Variants in GNAT3 observed in about 807,000 individuals in gnomAD.
GNAT3 encodes the protein guanine nucleotide-binding protein G(t) subunit alpha-3.
In GNAT3, 31 loss-of-function variants were observed where a neutral mutation model predicts 37.7. The observed-to-expected ratio is 0.82, with a 90% CI of 0.62 to 1.11. GNAT3 has a LOEUF of 1.11. Ranked by LOEUF, GNAT3 falls within the 50% of genes most tolerant of loss-of-function variation. The probability of loss-of-function intolerance (pLI) is 0.00; values close to 1 mark genes in which losing one functional copy is unlikely to be tolerated. For synonymous variants in GNAT3, 138 were observed against 139.8 expected (o/e 0.99, Z 0.09); for missense variants, 437 against 412.5 (o/e 1.06, Z -0.51).
chr7:80,507,061 CATT>C (rs757613327), intron 1 of GNAT3, among the ~76,000 whole-genome samples: 5 of 151,906 alleles, frequency 3.3e-5, no homozygotes, highest in Non-Finnish European at 7.4e-5. Flanking sequence ...AAGTTGGAAA[CATT>C]ATTGGGAATT....
chr7:80,467,808 T>TA (rs1790150203), intron 5 of GNAT3, among the ~76,000 whole-genome samples: 1 of 152,048 alleles, frequency 6.6e-6, no homozygotes, highest in Admixed American at 6.6e-5. Context: ...AATAGATTAT[T>TA]AATGAGGGAA....
chr7:80,460,006 C>T (rs1790022696), intron 7 of GNAT3, among the ~76,000 whole-genome samples: 1 of 152,210 alleles, frequency 6.6e-6, no homozygotes, highest in African/African-American at 2.4e-5. Flanking sequence ...AAACTTATGT[C>T]TACACAGAAG....
intron 7 of GNAT3, 146 bp downstream of exon 7, chr7:80,462,013 G>C (rs960885589): frequency 1.6e-6 from 1 of 606,670 alleles, no homozygotes; most frequent in South Asian, 2.3e-5. Context: ...TTATTTGTAA[G>C]ATTTTTTTTC....
At chr7:80,497,671 C>CGTATACGT (rs1554317549) in intron 1 of GNAT3, among the ~76,000 whole-genome samples, 2 of 91,138 alleles carry the variant, frequency 2.2e-5, no homozygotes, top group African/African-American at 2.1e-4. Context: ...TACGTATATA[C>CGTATACGT]ATACATATAT....
intron 3 of GNAT3, among the ~76,000 whole-genome samples, chr7:80,485,234 A>T (rs1790457454): frequency 6.6e-6 from 1 of 151,428 alleles, no homozygotes; most frequent in African/African-American, 2.4e-5. Context: ...TTCTTAATCT[A>T]AGTGCTTCCT....
At chr7:80,464,165 CCT>C (rs72128378) in intron 5 of GNAT3, among the ~76,000 whole-genome samples, 42,253 of 151,314 alleles carry the variant, frequency 0.28, 6,687 homozygotes, top group East Asian at 0.58. Flanking sequence ...ATTCAGATAT[CCT>C]ATATGGATAT....
At chr7:80,492,760 C>T (rs986621680) in intron 2 of GNAT3, among the ~76,000 whole-genome samples, 1 of 151,254 alleles carries the variant, frequency 6.6e-6, no homozygotes, top group Non-Finnish European at 1.5e-5. Context: ...TTTATAAATT[C>T]TCTGTAATAT....
At chr7:80,509,857 AATAAC>A (rs1336847678) in intron 1 of GNAT3, among the ~76,000 whole-genome samples, 3 of 152,112 alleles carry the variant, frequency 2.0e-5, no homozygotes, top group Admixed American at 2.0e-4. Context: ...TAAATTGACA[AATAAC>A]ATTCCATGCT....
At chr7:80,468,868 T>C (rs987203972) in intron 5 of GNAT3, among the ~76,000 whole-genome samples, 1 of 152,168 alleles carries the variant, frequency 6.6e-6, no homozygotes, top group African/African-American at 2.4e-5. Context: ...AAATGCCCAC[T>C]AGATAATTCT....
intron 1 of GNAT3, among the ~76,000 whole-genome samples, chr7:80,502,299 T>C (rs576959707): frequency 1.3e-5 from 2 of 152,206 alleles, no homozygotes; most frequent in South Asian, 2.1e-4. Context: ...AATAAAGTGG[T>C]TTAAAAATGT....
Position 80,512,013 on chromosome 7 carries a change from T to C in GNAT3, c.-87A>G, listed in dbSNP as rs778240710. 7 of 853,036 alleles carry C rather than the reference T, an allele frequency of 8.2e-6. No individual in the cohort carries two copies. The highest frequency in any genetic ancestry group is 2.9e-5 in the South Asian group (2 of 68,756). 52.8% of individuals were successfully genotyped at this position (853,036 alleles called of 1,614,324 possible). On this transcript the variant is annotated 5_prime_UTR_variant, in exon 1 of 8. Coordinates refer to ENST00000398291, the MANE Select transcript of GNAT3 (RefSeq NM_001102386.3). ...GTGGTTTGGACATAGGAGGCAAGAGTAATGCTCTGCTGAAGTACCTAGCAG... is the reference window on the plus strand; with the variant it reads ...GTGGTTTGGACATAGGAGGCAAGAGCAATGCTCTGCTGAAGTACCTAGCAG...
chr7:80,505,534 C>T lies in GNAT3; in HGVS notation c.118+6275G>A, dbSNP rs753213096. ...GGCGCCCGCCAACACGCCCGGCTAA[C>T]TTTTTATATTTTTATTATAGACGGG... is the stretch of plus-strand genomic sequence containing the variant. On this transcript the variant is annotated intron_variant, in intron 1 of 7. Coordinates refer to ENST00000398291, the MANE Select transcript of GNAT3 (RefSeq NM_001102386.3). Among the ~76,000 whole-genome samples, 46 of 152,042 alleles carry T rather than the reference C, an allele frequency of 3.0e-4. 1 individual carries two copies. The highest frequency in any genetic ancestry group is 3.4e-3 in the Middle Eastern group (1 of 294).
intron 5 of GNAT3, among the ~76,000 whole-genome samples, chr7:80,468,244 C>A (rs980947591): frequency 6.6e-6 from 1 of 151,772 alleles, no homozygotes; most frequent in African/African-American, 2.4e-5. Flanking sequence ...AAACAGTTGG[C>A]TAAATATTGG....
chr7:80,508,161 T>G (rs572508672), intron 1 of GNAT3, among the ~76,000 whole-genome samples: 1 of 151,880 alleles, frequency 6.6e-6, no homozygotes, highest in African/African-American at 2.4e-5. Context: ...GTTAATTATA[T>G]ATATAAATGT....
At chr7:80,497,559 C>CGT (rs1790741216) in intron 1 of GNAT3, among the ~76,000 whole-genome samples, 1 of 137,876 alleles carries the variant, frequency 7.3e-6, no homozygotes, top group African/African-American at 2.8e-5. Context: ...TACGTATATA[C>CGT]ATATACGTAT....
intron 2 of GNAT3, among the ~76,000 whole-genome samples, chr7:80,493,540 T>C: frequency 6.6e-6 from 1 of 152,150 alleles, no homozygotes; most frequent in African/African-American, 2.4e-5. Context: ...AAGAACAAGA[T>C]CCTTTAACAT....
intron 1 of GNAT3, among the ~76,000 whole-genome samples, chr7:80,498,951 C>A (rs567854989): frequency 6.6e-6 from 1 of 152,092 alleles, no homozygotes; most frequent in Non-Finnish European, 1.5e-5. Context: ...AATTTTAAAT[C>A]TACCCAATAT....
intron 1 of GNAT3, among the ~76,000 whole-genome samples, chr7:80,509,912 G>A (rs1486338924): frequency 9.9e-5 from 15 of 152,028 alleles, no homozygotes; most frequent in Admixed American, 7.9e-4. Context: ...TAAAAATACA[G>A]TGTAGAATGG....
chr7:80,502,350 T>A (rs1194394325), intron 1 of GNAT3, among the ~76,000 whole-genome samples: 2 of 152,132 alleles, frequency 1.3e-5, no homozygotes, highest in African/African-American at 4.8e-5. Flanking sequence ...TTTTAACAGA[T>A]ATTTCATTTT....
Sources: allele counts gnomAD v4.1 joint callset (sites outside exome capture counted in the v4.1 genomes callset), GRCh38; gene constraint gnomAD v4.1.1; transcripts MANE v1.5; gene names NCBI Gene and HGNC (gene_info 2026-07-23, HGNC 2026-07-21).